IGF1R: variants seen among roughly 807,000 people sequenced by gnomAD.
IGF1R encodes the protein insulin-like growth factor 1 receptor.
A neutral mutation model predicts 144.6 loss-of-function variants in IGF1R; 44 were observed. That is an observed-to-expected ratio of 0.30 (90% CI 0.24 to 0.39). The LOEUF (loss-of-function observed/expected upper bound fraction) is 0.39. Among genes scored for constraint, IGF1R ranks in the 10% least tolerant of loss-of-function variants. The pLI is 1.00. For missense variants in IGF1R, 1,355 were observed against 1,833.7 expected (o/e 0.74, Z 4.77); for synonymous variants, 795 against 722.8 (o/e 1.10, Z -1.60).
At chr15:98,656,066 G>A (rs1184110860) in intron 1 of IGF1R, among the ~76,000 whole-genome samples, 1 of 152,204 alleles carries the variant, frequency 6.6e-6, no homozygotes, top group East Asian at 1.9e-4. Flanking sequence ...TTCTTTTATG[G>A]TGAGGGATGA....
intron 2 of IGF1R, among the ~76,000 whole-genome samples, chr15:98,826,890 G>A (rs2056903844): frequency 6.6e-6 from 1 of 152,182 alleles, no homozygotes; most frequent in Admixed American, 6.5e-5. Flanking sequence ...TGCTCCTGGA[G>A]CAGTTTGCTC....
intron 2 of IGF1R, among the ~76,000 whole-genome samples, chr15:98,715,030 G>T (rs1240020188): frequency 3.9e-5 from 6 of 152,180 alleles, no homozygotes; most frequent in Non-Finnish European, 8.8e-5. Context: ...GTTGTTGGTA[G>T]GAACTTGTCT....
intron 1 of IGF1R, among the ~76,000 whole-genome samples, chr15:98,706,135 G>A (rs2053856379): frequency 6.6e-6 from 1 of 152,192 alleles, no homozygotes; most frequent in South Asian, 2.1e-4. Context: ...GCACACCACT[G>A]ACCACCTGCC....
Position 98,924,604 on chromosome 15 carries a change from A to G in IGF1R, c.2702A>G (p.Tyr901Cys). The G allele has an allele frequency of 6.2e-7, 1 of 1,614,114 alleles. No individual in the cohort carries two copies. Among genetic ancestry groups the G allele is most frequent in the Non-Finnish European group, 8.5e-7 (1 of 1,179,924 alleles). Residue 901 changes from tyrosine to cysteine, a missense_variant, in exon 13 of 21, where the codon TAC (tyrosine) becomes TGC (cysteine). Physicochemically the swap from Tyr to Cys is radical, Grantham distance 194. Around this residue, in one of 7 missense-constraint regions of IGF1R, gnomAD observed 880 missense variants for 1,202.7 expected, o/e 0.73. Coordinates refer to ENST00000650285, the MANE Select transcript of IGF1R (RefSeq NM_000875.5). ...AKLNRLNPGN[Y>C]TARIQATSLS... Reference sequence around the variant, plus strand: ...CTAAACCGGCTAAACCCGGGGAACTACACAGCCCGGATTCAGGCCACATCT... The same window carrying G: ...CTAAACCGGCTAAACCCGGGGAACTGCACAGCCCGGATTCAGGCCACATCT...
intron 2 of IGF1R, among the ~76,000 whole-genome samples, chr15:98,812,303 G>A (rs73479738): frequency 0.039 from 5,958 of 151,818 alleles, 183 homozygotes; most frequent in East Asian, 0.14. Flanking sequence ...TGCCCTTCCA[G>A]CTGTGAGCTG....
chr15:98,748,237 G>A (rs1411262712), intron 2 of IGF1R, among the ~76,000 whole-genome samples: 5 of 152,216 alleles, frequency 3.3e-5, no homozygotes, highest in Non-Finnish European at 7.3e-5. Context: ...TGTAGTCATA[G>A]CTCACTGGGA....
chr15:98,945,713 G>T (rs2151722576), intron 19 of IGF1R, among the ~76,000 whole-genome samples: 1 of 152,294 alleles, frequency 6.6e-6, no homozygotes, highest in Middle Eastern at 3.4e-3. Context: ...GTCTCGAGAA[G>T]TCTGCGGTAC....
At chr15:98,684,310 ATCTT>A (rs890131311) in intron 1 of IGF1R, among the ~76,000 whole-genome samples, 25 of 143,148 alleles carry the variant, frequency 1.7e-4, no homozygotes, top group African/African-American at 5.5e-4. Flanking sequence ...TTTTATTGTC[ATCTT>A]TGTTTATCAT....
chr15:98,829,237 T>G (rs575255481), intron 2 of IGF1R, among the ~76,000 whole-genome samples: 2 of 152,320 alleles, frequency 1.3e-5, no homozygotes, highest in Admixed American at 6.5e-5. Flanking sequence ...TGCAGCCGTT[T>G]CTGATGTCCT....
intron 2 of IGF1R, among the ~76,000 whole-genome samples, chr15:98,788,161 T>G (rs536986369): frequency 6.6e-6 from 1 of 152,140 alleles, no homozygotes; most frequent in South Asian, 2.1e-4. Context: ...TATGCTATTG[T>G]GTAGGAACAA....
At chr15:98,689,981 A>G (rs2053435865) in intron 1 of IGF1R, among the ~76,000 whole-genome samples, 1 of 152,186 alleles carries the variant, frequency 6.6e-6, no homozygotes, top group Admixed American at 6.5e-5. Flanking sequence ...TTTGGGGGTC[A>G]AGGAGATAGA....
chr15:98,952,229 G>T (rs1396784172), intron 20 of IGF1R, among the ~76,000 whole-genome samples: 5 of 151,756 alleles, frequency 3.3e-5, no homozygotes, highest in African/African-American at 1.2e-4. Flanking sequence ...AATCACGTGG[G>T]GATGTGAGCT....
chr15:98,945,052 G>C (rs1295478051), intron 19 of IGF1R, among the ~76,000 whole-genome samples: 4 of 152,196 alleles, frequency 2.6e-5, no homozygotes, highest in Non-Finnish European at 5.9e-5. Flanking sequence ...GGGCACTGTG[G>C]CTGCTCTCCC....
intron 1 of IGF1R, among the ~76,000 whole-genome samples, chr15:98,676,078 C>T (rs2053035666): frequency 6.6e-6 from 1 of 151,854 alleles, no homozygotes; most frequent in South Asian, 2.1e-4. Flanking sequence ...GATCCGCCCA[C>T]CTCACCTTCC....
chr15:98,680,070 A>T (rs1280526598), intron 1 of IGF1R, among the ~76,000 whole-genome samples: 9 of 152,172 alleles, frequency 5.9e-5, no homozygotes, highest in Non-Finnish European at 2.9e-5. Context: ...TGCTTAAGCT[A>T]AGTTTAATTT....
At chr15:98,894,063 G>T (rs528466526) in intron 3 of IGF1R, among the ~76,000 whole-genome samples, 137 of 152,098 alleles carry the variant, frequency 9.0e-4, no homozygotes, top group Non-Finnish European at 1.8e-3. Flanking sequence ...AAGATGATTG[G>T]TTCCATTTTT....
At chr15:98,889,392 T>C (rs1041761974) in intron 2 of IGF1R, among the ~76,000 whole-genome samples, 1 of 152,234 alleles carries the variant, frequency 6.6e-6, no homozygotes, top group Non-Finnish European at 1.5e-5. Context: ...GTACAAACTT[T>C]CTAGAGGACA....
intron 1 of IGF1R, chr15:98,660,684 G>A (rs1382064854): frequency 6.6e-6 from 1 of 152,132 alleles, no homozygotes; most frequent in Non-Finnish European, 1.5e-5. Context: ...GTTTGATTAG[G>A]CTTTTTGCAC....
At chr15:98,842,303 TAACTCTGAGGGGCTAAGTGAAC>T (rs2011188260) in intron 2 of IGF1R, among the ~76,000 whole-genome samples, 1 of 152,210 alleles carries the variant, frequency 6.6e-6, no homozygotes, top group Admixed American at 6.5e-5. Flanking sequence ...AAAACTGATT[TAACTCTGAGGGGCTAAGTGAAC>T]AACAATCTGT....
Sources: allele counts gnomAD v4.1 joint callset (sites outside exome capture counted in the v4.1 genomes callset), GRCh38; gene constraint gnomAD v4.1.1; regional missense constraint gnomAD v4.1.1; transcripts MANE v1.5; gene names NCBI Gene and HGNC (gene_info 2026-07-23, HGNC 2026-07-21).